Variants in TRABD2B observed in about 807,000 individuals in gnomAD.
The protein encoded by TRABD2B is TraB domain containing 2B.
TRABD2B carries 14 observed loss-of-function variants against 40.1 expected under a neutral mutation model. The ratio of observed to expected loss-of-function variants is 0.35; its 90% CI spans 0.23 to 0.55. TRABD2B has a LOEUF of 0.55. Ranked by LOEUF, TRABD2B falls within the 20% of genes least tolerant of loss-of-function variation. TRABD2B has a pLI of 0.90. For missense variants in TRABD2B, 541 were observed against 648.6 expected, an observed-to-expected ratio of 0.83 and a Z score of 1.80; for synonymous variants, 263 against 277.0, an observed-to-expected ratio of 0.95 and a Z score of 0.50.
At chr1:47,792,260 C>T (rs978559478) in intron 4 of TRABD2B, among the ~76,000 whole-genome samples, 4 of 152,228 alleles carry the variant, frequency 2.6e-5, no homozygotes, top group Non-Finnish European at 5.9e-5. Flanking sequence ...CCCTGGTCAA[C>T]GTTCATTTCT....
chr1:47,888,433 G>T lies in TRABD2B; in HGVS notation c.667-86814C>A, dbSNP rs182654218. ...TGGGAGAGGAGTGGAGGCTCAGGCT[G>T]TTCACCCCATACAAGGCTGGGCACT... On this transcript the variant is annotated intron_variant, in intron 2 of 6. Transcript: ENST00000606738. 5.9e-3 allele frequency among the ~76,000 whole-genome samples: 891 copies of T among 152,280 alleles called. 5 individuals are homozygous for T. The highest frequency in any genetic ancestry group is 0.02 in the African/African-American group (836 of 41,560).
At chr1:47,941,709 C>A (rs993757336) in intron 2 of TRABD2B, among the ~76,000 whole-genome samples, 1 of 152,242 alleles carries the variant, frequency 6.6e-6, no homozygotes, top group African/African-American at 2.4e-5. Flanking sequence ...TCACTTGCCT[C>A]TGTCTCCTTG....
intron 2 of TRABD2B, among the ~76,000 whole-genome samples, chr1:47,949,093 T>C (rs1645302147): frequency 6.6e-6 from 1 of 152,234 alleles, no homozygotes; most frequent in African/African-American, 2.4e-5. Flanking sequence ...ACTTTAATGC[T>C]ATTACTAATA....
At chr1:47,846,210 A>T (rs1398576667) in intron 2 of TRABD2B, among the ~76,000 whole-genome samples, 1 of 152,242 alleles carries the variant, frequency 6.6e-6, no homozygotes, top group African/African-American at 2.4e-5. Flanking sequence ...CCAGTTAATT[A>T]AAAAACTTGA....
intron 2 of TRABD2B, among the ~76,000 whole-genome samples, chr1:47,832,921 C>T (rs979993289): frequency 6.6e-6 from 1 of 152,132 alleles, no homozygotes; most frequent in African/African-American, 2.4e-5. Context: ...AAAAGTGACC[C>T]TCCACCTGGC....
chr1:47,975,651 T>A (rs1411983676), intron 2 of TRABD2B, among the ~76,000 whole-genome samples: 1 of 152,224 alleles, frequency 6.6e-6, no homozygotes, highest in African/African-American at 2.4e-5. Flanking sequence ...CAAGCACTGC[T>A]GAGGGCCTAC....
Position 47,813,112 on chromosome 1 carries a change from C to T in TRABD2B, c.667-11493G>A, listed in dbSNP as rs1344172835. Among the ~76,000 whole-genome samples the T allele has an allele frequency of 2.0e-5, 3 of 152,350 alleles. No individual in the cohort carries two copies. Among genetic ancestry groups the T allele is most frequent in the East Asian group, 3.9e-4 (2 of 5,188 alleles). On this transcript the variant is annotated intron_variant, in intron 2 of 6. Coordinates refer to ENST00000606738, the MANE Select transcript of TRABD2B (RefSeq NM_001194986.2). The surrounding 1 kb of genome is among the most constrained non-coding windows in gnomAD (Gnocchi z 4.3). ...TTTTTATTTTCCCTGCTGTCTCAGA[C>T]CTGCCCTGCTGACACAGCTGCCTAA...
At chr1:47,948,391 C>G (rs1186925926) in intron 2 of TRABD2B, among the ~76,000 whole-genome samples, 3 of 152,182 alleles carry the variant, frequency 2.0e-5, no homozygotes, top group African/African-American at 7.2e-5. Flanking sequence ...CCCAGCAAAC[C>G]TGCTGTGCTT....
At chr1:47,775,634 T>C (rs1479104338) in intron 5 of TRABD2B, among the ~76,000 whole-genome samples, 195 bp from the exon 6 acceptor site, 1 of 152,192 alleles carries the variant, frequency 6.6e-6, no homozygotes, top group African/African-American at 2.4e-5. Context: ...ATGCCTTCAT[T>C]TGTTTAGTCG....
At chr1:47,939,310 G>A (rs1645155409) in intron 2 of TRABD2B, among the ~76,000 whole-genome samples, 1 of 152,072 alleles carries the variant, frequency 6.6e-6, no homozygotes, top group African/African-American at 2.4e-5. Context: ...TGAGCAGGCT[G>A]GTGCACACAG....
chr1:47,940,512 G>A lies in TRABD2B; in HGVS notation c.666+53522C>T, dbSNP rs539489839. The stretch of plus-strand genomic sequence containing the variant: ...TAGGAAGAATCAAGCTGGAGCTGGT[G>A]CAGAAGTCACATGCCTGCCTGCTGT... On this transcript the variant is annotated intron_variant, in intron 2 of 6. Transcript: ENST00000606738. 1.3e-5 allele frequency among the ~76,000 whole-genome samples: 2 copies of A among 152,360 alleles called. 1 individual carries two copies. The highest frequency in any genetic ancestry group is 4.1e-4 in the South Asian group (2 of 4,828).
intron 2 of TRABD2B, among the ~76,000 whole-genome samples, chr1:47,849,439 C>T (rs1175251653): frequency 5.3e-5 from 8 of 152,312 alleles, no homozygotes; most frequent in African/African-American, 1.9e-4. Context: ...GAAGTACATT[C>T]CTGTTGCTTC....
intron 2 of TRABD2B, among the ~76,000 whole-genome samples, chr1:47,948,756 T>G (rs1347581606): frequency 6.6e-6 from 1 of 152,118 alleles, no homozygotes; most frequent in Non-Finnish European, 1.5e-5. Flanking sequence ...AACCTCAGTA[T>G]TCCTCCTTCA....
At chr1:47,940,856 G>A (rs1212257810) in intron 2 of TRABD2B, among the ~76,000 whole-genome samples, 1 of 152,190 alleles carries the variant, frequency 6.6e-6, no homozygotes, top group Non-Finnish European at 1.5e-5. Flanking sequence ...AATCCGGAGG[G>A]GAAAATGCCC....
chr1:47,786,046 C>T (rs1644591484), intron 4 of TRABD2B, among the ~76,000 whole-genome samples: 1 of 152,182 alleles, frequency 6.6e-6, no homozygotes, highest in Admixed American at 6.5e-5. Context: ...GGGCCAGGGA[C>T]CCTGAAATAA....
chr1:47,830,181 C>T (rs11587342), intron 2 of TRABD2B, among the ~76,000 whole-genome samples: 3,589 of 152,348 alleles, frequency 0.024, 114 homozygotes, highest in Admixed American at 0.094. Context: ...TGGGACCTCC[C>T]TGAAGGCAGC....
At position 47,784,902 on chromosome 1, in the gene TRABD2B, C is replaced by T. The variant is rs554276678; in HGVS notation, c.989-6358G>A. Among the ~76,000 whole-genome samples the T allele has an allele frequency of 1.5e-4, 23 of 152,214 alleles. No individual in the cohort carries two copies. The South Asian group carries it at 3.1e-3, about 21-fold the overall frequency. On this transcript the variant is annotated intron_variant, in intron 4 of 6. Coordinates refer to ENST00000606738, the MANE Select transcript of TRABD2B (RefSeq NM_001194986.2). ...ACAGTCCCCTCCCCTGAGGAGGTCA[C>T]GGTATGGAGAGGGGGAGATGGGCAG... is the stretch of plus-strand genomic sequence containing the variant.
chr1:47,805,830 A>G (rs1001453103), intron 2 of TRABD2B, among the ~76,000 whole-genome samples: 1 of 151,932 alleles, frequency 6.6e-6, no homozygotes, highest in Non-Finnish European at 1.5e-5. Context: ...AAAAAAAAAA[A>G]CTGCAGCAAA....
intron 6 of TRABD2B, among the ~76,000 whole-genome samples, chr1:47,771,392 T>C (rs1644376361): frequency 6.6e-6 from 1 of 152,170 alleles, no homozygotes; most frequent in Non-Finnish European, 1.5e-5. Context: ...GTGCCCTGCT[T>C]TGGGCCATGC....
Sources: allele counts gnomAD v4.1 joint callset (sites outside exome capture counted in the v4.1 genomes callset), GRCh38; gene constraint gnomAD v4.1.1; non-coding constraint Gnocchi (gnomAD v3.1); transcripts MANE v1.5; gene names NCBI Gene and HGNC (gene_info 2026-07-23, HGNC 2026-07-21).